The following YJU2B variants were observed in gnomAD, a reference collection of about 807,000 sequenced individuals.
The protein encoded by YJU2B is probable splicing factor YJU2B.
Under a neutral mutation model 38.0 loss-of-function variants are expected in YJU2B, and 18 were observed. The observed-to-expected ratio is 0.47, with a 90% CI of 0.33 to 0.70. The LOEUF (loss-of-function observed/expected upper bound fraction) is 0.70, where lower values mean the gene tolerates loss of function less well. Among genes scored for constraint, YJU2B ranks in the 30% least tolerant of loss-of-function variants. The pLI, the probability that YJU2B is intolerant of heterozygous loss-of-function variation, is 0.02. For synonymous variants in YJU2B, 246 were observed against 225.4 expected, an observed-to-expected ratio of 1.09 and a Z score of -0.82; for missense variants, 538 against 556.3, an observed-to-expected ratio of 0.97 and a Z score of 0.33.
rs1174276108 is a variant in YJU2B at position 13,762,639 on chromosome 19, C to T, written c.762C>T (p.Ser254=). 7.8e-6 allele frequency: 12 copies of T among 1,542,386 alleles called. No individual in the cohort carries two copies. The Admixed American group carries it at 2.4e-4, about 30-fold the overall frequency. ...AGCGGACCGAGATCATCAGCCGCTC[C>T]TGGTTCCCCTCTGCCCCCGGATCCG... The part of the protein sequence containing the change: ...KLKRTEIISR[S]WFPSAPGSAS... Residue 254 remains serine, a synonymous_variant, in exon 10 of 10, where the codon TCC becomes TCT. Coordinates refer to ENST00000221554, the MANE Select transcript of YJU2B (RefSeq NM_030818.4).
intron 3 of YJU2B, among the ~76,000 whole-genome samples, chr19:13,755,785 G>A (rs1003029667): frequency 5.3e-5 from 8 of 151,926 alleles, no homozygotes; most frequent in African/African-American, 1.2e-4. Context: ...GTGAAACCCC[G>A]TCTTTACTAC....
At chr19:13,757,742 T>A in intron 5 of YJU2B, 44 bp from the exon 6 acceptor site, 1 of 1,587,400 alleles carries the variant, frequency 6.3e-7, no homozygotes, top group Non-Finnish European at 8.7e-7. Context: ...TCTGCAAAAT[T>A]CAGATGGCAA....
chr19:13,737,644 G>C (rs1019175687), intron 2 of YJU2B, among the ~76,000 whole-genome samples: 1 of 149,022 alleles, frequency 6.7e-6, no homozygotes, highest in Admixed American at 6.8e-5. Context: ...AATTAGCCAG[G>C]CATGGCGGCG....
intron 3 of YJU2B, among the ~76,000 whole-genome samples, chr19:13,755,250 C>T (rs1482523239): frequency 6.6e-6 from 1 of 150,506 alleles, no homozygotes; most frequent in Non-Finnish European, 1.5e-5. Flanking sequence ...ATCACCAGGT[C>T]GAGAGTTTAA....
At chr19:13,739,649 C>T (rs966916128) in intron 2 of YJU2B, among the ~76,000 whole-genome samples, 15 of 152,302 alleles carry the variant, frequency 9.8e-5, no homozygotes, top group South Asian at 2.1e-4. Flanking sequence ...AGCTCCTTCT[C>T]CTCTCTAGGA....
At chr19:13,752,383 A>G (rs115082236) in intron 2 of YJU2B, among the ~76,000 whole-genome samples, 13,204 of 151,868 alleles carry the variant, frequency 0.087, 1,917 homozygotes, top group African/African-American at 0.3. Flanking sequence ...CAAGGCAGGC[A>G]AATCATTTAA....
At chr19:13,741,682 A>T (rs761125296) in intron 2 of YJU2B, among the ~76,000 whole-genome samples, 12 of 151,966 alleles carry the variant, frequency 7.9e-5, no homozygotes, top group Non-Finnish European at 1.6e-4. Flanking sequence ...GGCTGCAGTG[A>T]TTGCACCACT....
chr19:13,759,008 C>T lies in YJU2B; in HGVS notation c.398C>T (p.Thr133Ile), dbSNP rs763757735. The part of the protein sequence containing the change: ...DMADNEQVLT[T>I]EHEKKQKLET... ...GCGGACAATGAGCAGGTGCTGACCA[C>T]AGGTGAGCGCCACCCACTTACCTGC... The change falls in exon 7 of 10, where the codon ACA becomes ATA. Residue 133 changes from threonine to isoleucine, a missense_variant and splice_region_variant. Around this residue, in one of 2 missense-constraint regions of YJU2B, gnomAD observed 488 missense variants for 469.5 expected, o/e 1.04. Coordinates refer to ENST00000221554, the MANE Select transcript of YJU2B (RefSeq NM_030818.4). 5.2e-5 allele frequency: 84 copies of T among 1,612,802 alleles called. No individual in the cohort carries two copies. In the South Asian group the frequency reaches 8.6e-4, roughly 16 times the overall value.
chr19:13,754,213 T>G lies in YJU2B; in HGVS notation c.4-76T>G, dbSNP rs115719165. On this transcript the variant is annotated intron_variant, in intron 2 of 9. Coordinates refer to ENST00000221554, the MANE Select transcript of YJU2B (RefSeq NM_030818.4). Reference sequence around the variant, plus strand: ...AATAAAAAATCAGAAAAAATTTTTTTGAATGAGATTTGGGTAGGGACACAG... The same window carrying G: ...AATAAAAAATCAGAAAAAATTTTTTGGAATGAGATTTGGGTAGGGACACAG... 422 of 1,180,132 alleles carry G rather than the reference T, an allele frequency of 3.6e-4. 2 individuals are homozygous for G. In the African/African-American group the frequency reaches 5.7e-3, roughly 16 times the overall value. 73.1% of individuals were successfully genotyped at this position (1,180,132 alleles called of 1,614,324 possible). A position where few individuals can be genotyped will look rare whatever the true frequency, so the allele number is the denominator to read the frequency against.
intron 2 of YJU2B, among the ~76,000 whole-genome samples, chr19:13,752,336 A>C (rs986817322): frequency 6.6e-6 from 1 of 151,422 alleles, no homozygotes; most frequent in African/African-American, 2.4e-5. Flanking sequence ...GGCCAGGCAC[A>C]GTGGCTCACG....
intron 2 of YJU2B, among the ~76,000 whole-genome samples, chr19:13,740,785 T>C (rs902959220): frequency 6.6e-6 from 1 of 152,188 alleles, no homozygotes; most frequent in Admixed American, 6.6e-5. Context: ...TCTGCCTCCC[T>C]TGGGCTCCCA....
upstream of YJU2B, among the ~76,000 whole-genome samples, chr19:13,744,167 G>A (rs999542160): frequency 2.0e-5 from 3 of 152,024 alleles, no homozygotes; most frequent in Non-Finnish European, 4.4e-5. Flanking sequence ...CTCCAGCTTG[G>A]GCAACAGAGA....
rs1973978806 is a variant in YJU2B at position 13,763,044 on chromosome 19, C to G, written c.1167C>G (p.Asp389Glu). Reference sequence around the variant, plus strand: ...GTCTCGGCTCCTCCCTCGTGGCGGACTACTCCGACTCGGAGAGTGAGTGAG... The same window carrying G: ...GTCTCGGCTCCTCCCTCGTGGCGGAGTACTCCGACTCGGAGAGTGAGTGAG... The part of the protein sequence containing the change: ...PCSLGSSLVA[D>E]YSDSESE The change falls in exon 10 of 10, where the codon GAC becomes GAG. Residue 389 changes from aspartate to glutamate, a missense_variant. Asp to Glu is a conservative substitution (Grantham distance 45). Coordinates refer to ENST00000221554, the MANE Select transcript of YJU2B (RefSeq NM_030818.4). 6.4e-7 allele frequency: 1 copy of G among 1,566,478 alleles called. No homozygotes were observed. The highest frequency in any genetic ancestry group is 1.8e-5 in the Admixed American group (1 of 54,852).
upstream of YJU2B, chr19:13,747,741 G>A (rs541641374): frequency 1.3e-5 from 2 of 152,514 alleles, no homozygotes; most frequent in East Asian, 3.9e-4. Flanking sequence ...GGAGCCTCTT[G>A]GCGTAAGCGC....
rs530199597 is a variant in YJU2B at position 13,738,613 on chromosome 19, C to T, written c.-202+6328C>T. ...GTCTCTATTAAAAATACAAAAAAGC[C>T]GGGCGTGGTGGCTCACGCCTGTAAT... On this transcript the variant is annotated intron_variant, in intron 2 of 10. Transcript: ENST00000586600. Among the ~76,000 whole-genome samples the T allele has an allele frequency of 6.3e-4, 96 of 152,104 alleles. 1 individual carries two copies. The highest frequency in any genetic ancestry group is 4.8e-3 in the South Asian group (23 of 4,810).
intron 8 of YJU2B, 179 bp downstream of exon 8, chr19:13,759,451 A>T: frequency 1.8e-6 from 1 of 567,104 alleles, no homozygotes; most frequent in Non-Finnish European, 3.0e-6. Flanking sequence ...ACTATAATAA[A>T]AAATACCATA....
At chr19:13,737,000 C>A (rs1972965425) in intron 2 of YJU2B, among the ~76,000 whole-genome samples, 1 of 142,598 alleles carries the variant, frequency 7.0e-6, no homozygotes. Flanking sequence ...GTGCTCCAGC[C>A]TGAGCAACAC....
At chr19:13,758,787 G>T in intron 6 of YJU2B, 81 bp from the exon 7 acceptor site, 1 of 1,516,226 alleles carries the variant, frequency 6.6e-7, no homozygotes, top group East Asian at 2.3e-5. Context: ...ACCATTGGGT[G>T]GAAGGAAGCA....
chr19:13,758,440 GACAAATGAATGA>G (rs145645699), intron 6 of YJU2B, among the ~76,000 whole-genome samples: 5,747 of 152,198 alleles, frequency 0.038, 121 homozygotes, highest in Non-Finnish European at 0.059. Context: ...TGAACTAGTG[GACAAATGAATGA>G]ACAAATGAAT....
Sources: allele counts gnomAD v4.1 joint callset (sites outside exome capture counted in the v4.1 genomes callset), GRCh38; gene constraint gnomAD v4.1.1; regional missense constraint gnomAD v4.1.1; transcripts MANE v1.5; gene names NCBI Gene and HGNC (gene_info 2026-07-23, HGNC 2026-07-21).